RFC4: variants seen among roughly 807,000 people sequenced by gnomAD.
RFC4 encodes A1 37 kDa subunit.
Under a neutral mutation model 47.6 loss-of-function variants are expected in RFC4, and 38 were observed. The observed-to-expected ratio is 0.80, with a 90% CI of 0.62 to 1.05. The LOEUF is 1.05. Ranked by LOEUF, RFC4 falls within the 50% of genes least tolerant of loss-of-function variation. The pLI, the probability that RFC4 is intolerant of heterozygous loss-of-function variation, is 0.00. For synonymous variants in RFC4, 164 were observed against 150.0 expected, an observed-to-expected ratio of 1.09 and a Z score of -0.68; for missense variants, 489 against 434.0, an observed-to-expected ratio of 1.13 and a Z score of -1.13.
At position 186,793,484 on chromosome 3, in the gene RFC4, C is replaced by T. The variant is rs560443914; in HGVS notation, c.411-537G>A. 6.6e-6 allele frequency among the ~76,000 whole-genome samples: 1 copy of T among 152,314 alleles called. No individual in the cohort carries two copies. Among genetic ancestry groups the T allele is most frequent in the Admixed American group, 6.5e-5 (1 of 15,304 alleles). ...ATTTGTGTACATGTTTTTGAGCAGA[C>T]ATGTCTTCCAAGAGGCTGTACCATT... On this transcript the variant is annotated intron_variant, in intron 5 of 10. Transcript: ENST00000296273. This position sits in a 1 kb window ranked among gnomAD's most constrained non-coding sequence, Gnocchi z 4.2.
In RFC4 at chr3:186,793,871, C is replaced by T. The variant is rs566813649; in HGVS notation, c.410+787G>A. On this transcript the variant is annotated intron_variant, in intron 5 of 10. Coordinates refer to ENST00000296273, the MANE Select transcript of RFC4 (RefSeq NM_002916.5). This position sits in a 1 kb window ranked among gnomAD's most constrained non-coding sequence, Gnocchi z 4.2. ...CCGAGTAGCTGGGACTACAGGCGCC[C>T]GCCACCACACCCAGCTAATTTTTTG... Among the ~76,000 whole-genome samples, 10 of 152,102 alleles carry T rather than the reference C, an allele frequency of 6.6e-5. 1 individual carries two copies. In the East Asian group the frequency reaches 1.7e-3, roughly 26 times the overall value.
intron 2 of RFC4, among the ~76,000 whole-genome samples, chr3:186,802,587 A>G (rs1482648948): frequency 1.3e-5 from 2 of 152,332 alleles, no homozygotes; most frequent in African/African-American, 4.8e-5. Context: ...TATAATTTTC[A>G]TCTTACAACA....
intron 8 of RFC4, 142 bp downstream of exon 8, chr3:186,791,583 C>CT (rs762220545): frequency 3.9e-6 from 3 of 773,518 alleles, no homozygotes; most frequent in Non-Finnish European, 6.9e-6. Flanking sequence ...CTCAAACACT[C>CT]TGATACTCCC....
intron 8 of RFC4, among the ~76,000 whole-genome samples, chr3:186,790,767 A>C (rs1381773155): frequency 1.3e-5 from 2 of 152,224 alleles, no homozygotes; most frequent in African/African-American, 4.8e-5. Flanking sequence ...TTAAAGGGGA[A>C]GTGCCCTTTC....
At position 186,792,571 on chromosome 3, in the gene RFC4, G is replaced by A. The variant is rs761989094; in HGVS notation, c.594C>T (p.Arg198=). The A allele has an allele frequency of 1.2e-5, 19 of 1,613,810 alleles. No individual in the cohort carries two copies. The African/African-American group carries it at 2.3e-4, about 19-fold the overall frequency. Residue 198 remains arginine (R), a synonymous_variant, in exon 7 of 11, where the codon CGC becomes CGT. Coordinates refer to ENST00000296273, the MANE Select transcript of RFC4 (RefSeq NM_002916.5). ...GAATTTTATCTGACAGAGGCTTGAA[G>A]CGGAATTTTGAACATCTAGAGGTCA... ...EPLTSRCSKF[R]FKPLSDKIQQ...
At chr3:186,801,802 T>G (rs1722361869) in intron 2 of RFC4, among the ~76,000 whole-genome samples, 1 of 149,970 alleles carries the variant, frequency 6.7e-6, no homozygotes, top group Admixed American at 6.6e-5. Flanking sequence ...AGCAGGTGGA[T>G]CACCTGAGGT....
Position 186,797,552 on chromosome 3 carries a change from T to C in RFC4, c.273A>G (p.Ala91=). The change falls in exon 4 of 11, where the codon GCA becomes GCG. Residue 91 remains alanine, a synonymous_variant. Transcript: ENST00000296273. ...GTGKTSTILA[A]ARELFGPELF... ...CAACGTACCCAAAGAGTTCTCTAGC[T>C]GCTGCCAAAATAGTGGATGTTTTTC... 6.2e-7 allele frequency: 1 copy of C among 1,610,770 alleles called. No homozygotes were observed. The highest frequency in any genetic ancestry group is 1.1e-5 in the South Asian group (1 of 90,532).
At position 186,790,080 on chromosome 3, in the gene RFC4, AAGAAATTAGCATCCTTCAGGTAGTT is replaced by A; in HGVS notation, c.996+37_997-17del. 6.2e-7 allele frequency: 1 copy of A among 1,610,438 alleles called. No homozygotes were observed. Among genetic ancestry groups the A allele is most frequent in the Non-Finnish European group, 8.5e-7 (1 of 1,176,816 alleles). On this transcript the variant is annotated splice_polypyrimidine_tract_variant and intron_variant, in intron 10 of 10. Transcript: ENST00000296273. ...TGTCAACTTCCTACGAGAAAAATTTAAGAAATTAGCATCCTTCAGGTAGTTAAATGTTCCATTGACATGTGCAAAG... is the reference window on the plus strand; with the variant it reads ...TGTCAACTTCCTACGAGAAAAATTTAAAATGTTCCATTGACATGTGCAAAG...
At chr3:186,805,854 T>C (rs1722468174) in intron 1 of RFC4, among the ~76,000 whole-genome samples, 1 of 152,190 alleles carries the variant, frequency 6.6e-6, no homozygotes. Context: ...CAGTGCCTGG[T>C]ACATGGTAGA....
rs139825374 is a variant in RFC4 at position 186,798,982 on chromosome 3, G to T, written c.211-1368C>A. The stretch of plus-strand genomic sequence containing the variant: ...ACATAGACAAATATGTTAATTAGAA[G>T]ACTATTACTGTTACATTCATAACAT... On this transcript the variant is annotated intron_variant, in intron 3 of 10. Coordinates refer to ENST00000296273, the MANE Select transcript of RFC4 (RefSeq NM_002916.5). Among the ~76,000 whole-genome samples the T allele has an allele frequency of 1.1e-3, 175 of 152,244 alleles. 3 individuals carry two copies. The highest frequency in any genetic ancestry group is 1.6e-3 in the Admixed American group (25 of 15,290).
In RFC4 at chr3:186,793,611, T is replaced by C. The variant is rs1211252911; in HGVS notation, c.411-664A>G. 6.6e-6 allele frequency among the ~76,000 whole-genome samples: 1 copy of C among 152,238 alleles called. No individual in the cohort carries two copies. The highest frequency in any genetic ancestry group is 2.4e-5 in the African/African-American group (1 of 41,458). On this transcript the variant is annotated intron_variant, in intron 5 of 10. Coordinates refer to ENST00000296273, the MANE Select transcript of RFC4 (RefSeq NM_002916.5). The surrounding 1 kb of genome is among the most constrained non-coding windows in gnomAD (Gnocchi z 4.2). ...TTATCATAGCCATCCTAGTGGGAGT[T>C]ACGTGGTATTTCAATGTGGCTTTGA...
chr3:186,792,846 G>A lies in RFC4; in HGVS notation c.512C>T (p.Ser171Leu), dbSNP rs201153001. The A allele has an allele frequency of 4.3e-6, 7 of 1,613,980 alleles. No homozygotes were observed. Among genetic ancestry groups the A allele is most frequent in the East Asian group, 2.2e-5 (1 of 44,876 alleles). ...GATAAGACAGAATCGGGTGGTTTTC[G>A]ACTCCTTCTCCATGGTACGTCTTAA... ...AALRRTMEKE[S>L]KTTRFCLICN... Residue 171 changes from serine (S) to leucine (L), a missense_variant, in exon 6 of 11, where the codon TCG becomes TTG. Around this residue, in one of 2 missense-constraint regions of RFC4, gnomAD observed 206 missense variants for 257.8 expected, o/e 0.80. Coordinates refer to ENST00000296273, the MANE Select transcript of RFC4 (RefSeq NM_002916.5).
chr3:186,805,173 A>G (rs1322496710), intron 1 of RFC4, among the ~76,000 whole-genome samples: 1 of 152,104 alleles, frequency 6.6e-6, no homozygotes, highest in Admixed American at 6.6e-5. Context: ...TTGCACCACA[A>G]ATGAGAACCT....
intron 7 of RFC4, 115 bp downstream of exon 7, chr3:186,792,375 T>C (rs1377862566): frequency 2.4e-6 from 2 of 832,328 alleles, no homozygotes; most frequent in Non-Finnish European, 3.8e-6. Context: ...CTTAAGTTTG[T>C]CTGAAGAACT....
Position 186,792,589 on chromosome 3 carries a change from A to G in RFC4, c.576T>C (p.Ser192=), listed in dbSNP as rs1722164583. The change falls in exon 7 of 11, where the codon TCT becomes TCC. Residue 192 remains serine (S), a synonymous_variant. Transcript: ENST00000296273. ...GCTTGAAGCGGAATTTTGAACATCT[A>G]GAGGTCAGGGGTTCAATTATTCTGT... is the stretch of plus-strand genomic sequence containing the variant. ...YVSRIIEPLT[S]RCSKFRFKPL... 7.4e-6 allele frequency: 12 copies of G among 1,613,802 alleles called. No individual in the cohort carries two copies. Among genetic ancestry groups the G allele is most frequent in the Non-Finnish European group, 1.0e-5 (12 of 1,179,842 alleles).
chr3:186,804,542 T>G (rs757535939), intron 2 of RFC4, 41 bp downstream of exon 2: 2 of 1,594,290 alleles, frequency 1.3e-6, no homozygotes, highest in South Asian at 1.1e-5. Context: ...GTTAGAGAGA[T>G]AATTTATGAA....
In RFC4 at chr3:186,790,307, G is replaced by A; in HGVS notation, c.882+19C>T. 6.2e-7 allele frequency: 1 copy of A among 1,612,634 alleles called. No individual in the cohort carries two copies. On this transcript the variant is annotated intron_variant, in intron 9 of 10. Coordinates refer to ENST00000296273, the MANE Select transcript of RFC4 (RefSeq NM_002916.5). ...ATGACTTAATATTCCTTTCCCCAAA[G>A]TTAGTAAGCTGACTTTACCTTGACC...
intron 8 of RFC4, 57 bp from the exon 9 acceptor site, chr3:186,790,463 T>C: frequency 1.6e-6 from 2 of 1,219,444 alleles, no homozygotes; most frequent in Non-Finnish European, 2.4e-6. Flanking sequence ...AGACATACAC[T>C]CTGCCAACTG....
chr3:186,792,994 G>A (rs759699678), intron 5 of RFC4, 47 bp from the exon 6 acceptor site: 285 of 1,515,394 alleles, frequency 1.9e-4, no homozygotes, highest in Non-Finnish European at 2.4e-4. Flanking sequence ...ATGTATATTG[G>A]TTTTAACAGC....
Sources: gnomAD v4.1 joint callset for allele counts (sites outside exome capture counted in the v4.1 genomes callset) on GRCh38, gnomAD v4.1.1 for gene constraint, gnomAD v4.1.1 regional missense constraint, Gnocchi (gnomAD v3.1) non-coding constraint, MANE v1.5 for transcripts, NCBI Gene and HGNC (gene_info 2026-07-23, HGNC 2026-07-21) for gene names.